Variants in ANKRD39 observed in about 807,000 individuals in gnomAD.
The protein encoded by ANKRD39 is ankyrin repeat domain 39, also known as ankyrin repeat domain-containing protein 39.
In ANKRD39, 18 loss-of-function variants were observed where a neutral mutation model predicts 20.3. The observed-to-expected ratio is 0.89, with a 90% CI of 0.61 to 1.32. ANKRD39 has a LOEUF of 1.32. ANKRD39 is among the 40% of genes most tolerant of loss of function. The pLI is 0.00. For synonymous variants in ANKRD39, 106 were observed against 111.9 expected, an observed-to-expected ratio of 0.95 and a Z score of 0.33; for missense variants, 243 against 250.7, an observed-to-expected ratio of 0.97 and a Z score of 0.21.
chr2:96,853,786 A>G (rs555545683), intron 2 of ANKRD39, among the ~76,000 whole-genome samples, 182 bp from the exon 3 acceptor site: 79 of 152,344 alleles, frequency 5.2e-4, no homozygotes, highest in African/African-American at 1.9e-3. Flanking sequence ...CAATTGAAAA[A>G]TGGGGAAAAT....
chr2:96,848,505 G>A, intron 3 of ANKRD39, 61 bp from the exon 4 acceptor site: 1 of 1,591,488 alleles, frequency 6.3e-7, no homozygotes, highest in Non-Finnish European at 8.6e-7. Flanking sequence ...GCTCTCTCTT[G>A]TTCCACTTTC....
intron 3 of ANKRD39, among the ~76,000 whole-genome samples, chr2:96,851,018 C>A (rs1232961552): frequency 6.6e-6 from 1 of 152,154 alleles, no homozygotes; most frequent in Non-Finnish European, 1.5e-5. Context: ...TTTTTTGAGA[C>A]GGAATATCTG....
intron 3 of ANKRD39, among the ~76,000 whole-genome samples, 186 bp from the exon 4 acceptor site, chr2:96,848,630 G>C (rs1317364716): frequency 1.3e-5 from 2 of 152,160 alleles, no homozygotes; most frequent in African/African-American, 4.8e-5. Context: ...TTCAAGACCA[G>C]CCTGACATGG....
intron 1 of ANKRD39, 35 bp downstream of exon 1, chr2:96,857,853 T>G: frequency 3.2e-6 from 5 of 1,541,380 alleles, no homozygotes; most frequent in Non-Finnish European, 2.6e-6. Flanking sequence ...GGCCGGGGCC[T>G]GGTGAGAACC....
chr2:96,852,650 A>G (rs771991291), intron 3 of ANKRD39, among the ~76,000 whole-genome samples: 11 of 152,138 alleles, frequency 7.2e-5, no homozygotes, highest in Non-Finnish European at 1.6e-4. Context: ...GCTTTAAACA[A>G]TCGCTCCAGG....
chr2:96,853,551 G>A lies in ANKRD39; in HGVS notation c.258C>T (p.Ser86=), dbSNP rs1420889962. The change falls in exon 3 of 4, where the codon AGC becomes AGT. Residue 86 remains serine (S), a synonymous_variant. Coordinates refer to ENST00000393537, the MANE Select transcript of ANKRD39 (RefSeq NM_016466.6). The part of the protein sequence containing the change: ...HYAVCQFLLE[S]GAKCDAQTHG... The stretch of plus-strand genomic sequence containing the variant: ...GGGTCTGGGCATCACACTTAGCTCC[G>A]CTTTCCAGCAGGAACTGGCACACAG... 10 of 1,612,934 alleles carry A rather than the reference G, an allele frequency of 6.2e-6. No individual in the cohort carries two copies. Among genetic ancestry groups the A allele is most frequent in the Non-Finnish European group, 5.9e-6 (7 of 1,179,976 alleles).
In ANKRD39 at chr2:96,848,306, T is replaced by A. The variant is rs372923330; in HGVS notation, c.547A>T (p.Ser183Cys). 41 of 1,613,910 alleles carry A rather than the reference T, an allele frequency of 2.5e-5. No homozygotes were observed. In the African/African-American group the frequency reaches 5.2e-4, roughly 20 times the overall value. The change falls in exon 4 of 4, where the codon AGC (serine) becomes TGC (cysteine). Residue 183 changes from serine (S) to cysteine (C), a missense_variant. By Grantham distance (112) the Ser-to-Cys change is moderately radical (BLOSUM62 -1). Coordinates refer to ENST00000393537, the MANE Select transcript of ANKRD39 (RefSeq NM_016466.6). ...CNSDLRDLLSS is the reference protein window; with the variant it reads ...CNSDLRDLLSC ...GCTGGAGATAGGGTGGCGGCTCAGC[T>A]GGATAGCAGGTCCCGCAGGTCACTG...
intron 3 of ANKRD39, among the ~76,000 whole-genome samples, chr2:96,849,876 A>G (rs1328539508): frequency 6.6e-6 from 1 of 152,206 alleles, no homozygotes; most frequent in Non-Finnish European, 1.5e-5. Context: ...ACCCCAATCC[A>G]GATGTCAATT....
intron 2 of ANKRD39, among the ~76,000 whole-genome samples, chr2:96,854,113 C>G (rs2079851838): frequency 6.6e-6 from 1 of 152,126 alleles, no homozygotes; most frequent in South Asian, 2.1e-4. Flanking sequence ...GGTAACAGAG[C>G]AAGACTTCAT....
chr2:96,856,468 CAA>C (rs56306893), intron 1 of ANKRD39, among the ~76,000 whole-genome samples: 38 of 70,640 alleles, frequency 5.4e-4, no homozygotes, highest in Non-Finnish European at 5.4e-4. Flanking sequence ...GACTCCATCT[CAA>C]AAAAAAAAAA....
chr2:96,854,022 G>A (rs1218641670), intron 2 of ANKRD39, among the ~76,000 whole-genome samples: 1 of 152,224 alleles, frequency 6.6e-6, no homozygotes, highest in East Asian at 1.9e-4. Context: ...AGCTACTCAG[G>A]AGGCTGAGGC....
intron 3 of ANKRD39, 43 bp from the exon 4 acceptor site, chr2:96,848,487 T>TG: frequency 6.2e-7 from 1 of 1,610,174 alleles, no homozygotes; most frequent in Non-Finnish European, 8.5e-7. Context: ...ACCCCCCCAC[T>TG]GGGCTCTGCT....
chr2:96,854,494 T>C, intron 1 of ANKRD39, 53 bp from the exon 2 acceptor site: 1 of 1,551,570 alleles, frequency 6.4e-7, no homozygotes, highest in Non-Finnish European at 8.9e-7. Context: ...GTTTCAGTGC[T>C]TGCTTTGCCT....
In ANKRD39 at chr2:96,858,004, G is replaced by A. The variant is rs1219433904; in HGVS notation, c.-17C>T. ...CGTCGCCATCCCGGCCCCGGCGTCA[G>A]TCGATCCGCCCCGGGTCTCAGGCTC... On this transcript the variant is annotated 5_prime_UTR_variant, in exon 1 of 4. Transcript: ENST00000393537. The A allele has an allele frequency of 1.3e-6, 2 of 1,518,380 alleles. No individual in the cohort carries two copies. Among genetic ancestry groups the A allele is most frequent in the Middle Eastern group, 1.7e-4 (1 of 5,770 alleles). 94.1% of individuals were successfully genotyped at this position (1,518,380 alleles called of 1,614,324 possible). A position where few individuals can be genotyped will look rare whatever the true frequency, so the allele number is the denominator to read the frequency against.
rs1291717252 is a variant in ANKRD39 at position 96,851,173 on chromosome 2, TGA to T, written c.408+2226_408+2227del. Among the ~76,000 whole-genome samples the T allele has an allele frequency of 3.3e-5, 5 of 152,000 alleles. No homozygotes were observed. The East Asian group carries it at 9.6e-4, about 29-fold the overall frequency. Reference sequence around the variant, plus strand: ...CACACCTGGCTTTTGTTTTTTTTTTTGAGACAGAGTTTCGCTCTTGTTGCCCA... The same window carrying T: ...CACACCTGGCTTTTGTTTTTTTTTTTGACAGAGTTTCGCTCTTGTTGCCCA... On this transcript the variant is annotated intron_variant, in intron 3 of 3. Coordinates refer to ENST00000393537, the MANE Select transcript of ANKRD39 (RefSeq NM_016466.6).
At chr2:96,855,414 T>C (rs940135214) in intron 1 of ANKRD39, among the ~76,000 whole-genome samples, 1 of 152,126 alleles carries the variant, frequency 6.6e-6, no homozygotes, top group Non-Finnish European at 1.5e-5. Context: ...ACCCAAAATG[T>C]AGTACAAAAT....
At chr2:96,856,417 C>T (rs1164842959) in intron 1 of ANKRD39, among the ~76,000 whole-genome samples, 1 of 145,896 alleles carries the variant, frequency 6.9e-6, no homozygotes, top group Non-Finnish European at 1.5e-5. Context: ...TGCAGTGAGC[C>T]GAGATTGCGC....
intron 3 of ANKRD39, among the ~76,000 whole-genome samples, chr2:96,852,809 C>T (rs1437182433): frequency 1.3e-5 from 2 of 152,100 alleles, no homozygotes; most frequent in African/African-American, 2.4e-5. Context: ...AGCTCACACC[C>T]GTAATCTCAG....
At chr2:96,856,366 CAGG>C (rs1001555539) in intron 1 of ANKRD39, among the ~76,000 whole-genome samples, 15 of 149,456 alleles carry the variant, frequency 1.0e-4, no homozygotes, top group Non-Finnish European at 3.0e-5. Context: ...CTCAGCTACT[CAGG>C]AGAATAGGAG....
Sources: allele counts gnomAD v4.1 joint callset (sites outside exome capture counted in the v4.1 genomes callset), GRCh38; gene constraint gnomAD v4.1.1; transcripts MANE v1.5; gene names NCBI Gene and HGNC (gene_info 2026-07-23, HGNC 2026-07-21).